PCDHA9: variants seen among roughly 807,000 people sequenced by gnomAD.
The protein encoded by PCDHA9 is protocadherin alpha 9, also known as protocadherin alpha-9.
Under a neutral mutation model 62.0 loss-of-function variants are expected in PCDHA9, and 62 were observed. The observed-to-expected ratio is 1.00, with a 90% CI of 0.81 to 1.23. The LOEUF is 1.23. Ranked by LOEUF, PCDHA9 falls within the 50% of genes most tolerant of loss-of-function variation. The pLI, the probability that PCDHA9 is intolerant of heterozygous loss-of-function variation, is 0.00. For synonymous variants in PCDHA9, 557 were observed against 567.6 expected (o/e 0.98, Z 0.27); for missense variants, 1,205 against 1,249.8 (o/e 0.96, Z 0.54).
At chr5:140,990,662 T>C (rs1554251660) in intron 3 of PCDHA9, among the ~76,000 whole-genome samples, 1 of 152,182 alleles carries the variant, frequency 6.6e-6, no homozygotes, top group African/African-American at 2.4e-5. Context: ...ATGATTTACA[T>C]TAGATGCACA....
At position 140,967,486 on chromosome 5, in the gene PCDHA9, G is replaced by A. The variant is rs782309199; in HGVS notation, c.2395-11463G>A. The A allele has an allele frequency of 2.5e-6, 4 of 1,612,986 alleles. No individual in the cohort carries two copies. The African/African-American group carries it at 4.0e-5, about 16-fold the overall frequency. ...GGGGCATCCCAGCCCGCTCGGGTAC[G>A]GCACAGATCTCTGTGCGTGTCCTGG... On this transcript the variant is annotated intron_variant, in intron 1 of 3. Coordinates refer to ENST00000532602, the MANE Select transcript of PCDHA9 (RefSeq NM_031857.2).
intron 1 of PCDHA9, chr5:140,883,919 C>T (rs1554180590): frequency 1.2e-6 from 2 of 1,613,316 alleles, no homozygotes; most frequent in Non-Finnish European, 8.5e-7. Flanking sequence ...CAACGTGACG[C>T]TGCAGGTGTT....
intron 1 of PCDHA9, among the ~76,000 whole-genome samples, chr5:140,945,540 CA>C (rs1330025999): frequency 1.3e-5 from 2 of 151,706 alleles, no homozygotes; most frequent in African/African-American, 2.4e-5. Flanking sequence ...AACATACAAA[CA>C]AAAAAATGAA....
At chr5:140,876,499 G>T in intron 1 of PCDHA9, 1 of 1,614,028 alleles carries the variant, frequency 6.2e-7, no homozygotes, top group South Asian at 1.1e-5. Flanking sequence ...AGTTCTGGAC[G>T]TGAATGACAA....
intron 1 of PCDHA9, chr5:140,926,329 A>G (rs1435633972): frequency 6.6e-6 from 1 of 152,150 alleles, no homozygotes; most frequent in Non-Finnish European, 1.5e-5. Flanking sequence ...CCGGGGTCAG[A>G]GCGCCGGGAC....
At chr5:140,886,951 C>T (rs1277166050) in intron 1 of PCDHA9, among the ~76,000 whole-genome samples, 1 of 151,696 alleles carries the variant, frequency 6.6e-6, no homozygotes, top group Non-Finnish European at 1.5e-5. Flanking sequence ...ACACATTAGA[C>T]ATTTAGCAAC....
chr5:140,868,098 A>C (rs972281563), intron 1 of PCDHA9: 1 of 152,120 alleles, frequency 6.6e-6, no homozygotes, highest in African/African-American at 2.4e-5. Context: ...AATGATAATA[A>C]AATTTATTTT....
At chr5:141,002,232 A>G (rs2098067070) in intron 3 of PCDHA9, among the ~76,000 whole-genome samples, 2 of 152,226 alleles carry the variant, frequency 1.3e-5, no homozygotes, top group African/African-American at 4.8e-5. Flanking sequence ...GTTTTCTGGA[A>G]GCTCTTTATT....
chr5:140,861,736 A>G (rs1380894393), intron 1 of PCDHA9: 2 of 188,606 alleles, frequency 1.1e-5, no homozygotes, highest in Non-Finnish European at 1.1e-5. Context: ...TGACTTACAT[A>G]CTGTGCCGCA....
At position 140,849,943 on chromosome 5, in the gene PCDHA9, ACG is replaced by A. The variant is rs2041244627; in HGVS notation, c.1452_1453del (p.Gln485GlyfsTer89). On this transcript the variant is annotated frameshift_variant, in exon 1 of 4. Transcript: ENST00000532602. LOFTEE classifies it high-confidence loss of function. ...TTCACGGTGTCTGCGCGGGACGCTG[ACG>A]CGCAGGAGAACGCCCTGGTGTCCTA... 2 of 1,597,782 alleles carry A rather than the reference ACG, an allele frequency of 1.3e-6. No individual in the cohort carries two copies. Among genetic ancestry groups the A allele is most frequent in the Admixed American group, 1.7e-5 (1 of 59,308 alleles).
At chr5:140,914,923 T>C (rs2076880546) in intron 1 of PCDHA9, among the ~76,000 whole-genome samples, 1 of 151,134 alleles carries the variant, frequency 6.6e-6, no homozygotes, top group Admixed American at 6.6e-5. Context: ...TGTCTTATTG[T>C]ACTATGTTGT....
chr5:140,884,460 C>A (rs782410675), intron 1 of PCDHA9: 72 of 1,613,614 alleles, frequency 4.5e-5, no homozygotes, highest in Non-Finnish European at 5.8e-5. Context: ...ACCGAGGGCG[C>A]GTGCGCGCCG....
In PCDHA9 at chr5:141,009,679, C is replaced by T; in HGVS notation, c.2595C>T (p.Asn865=). 1.2e-6 allele frequency: 2 copies of T among 1,614,116 alleles called. No individual in the cohort carries two copies. The highest frequency in any genetic ancestry group is 8.5e-7 in the Non-Finnish European group (1 of 1,180,026). The part of the protein sequence containing the change: ...SPPVGAGVNS[N]SWTFKYGPGN... ...CAGTCGGTGCGGGTGTCAACAGCAA[C>T]AGCTGGACCTTTAAATACGGACCAG... The change falls in exon 4 of 4, where the codon AAC becomes AAT. Residue 865 remains asparagine (N), a synonymous_variant. Coordinates refer to ENST00000532602, the MANE Select transcript of PCDHA9 (RefSeq NM_031857.2).
intron 1 of PCDHA9, among the ~76,000 whole-genome samples, chr5:140,951,551 A>T (rs246040): frequency 0.31 from 47,721 of 151,608 alleles, 7,835 homozygotes; most frequent in East Asian, 0.53. Flanking sequence ...GACGGGGGGA[A>T]GTGCTACGCA....
chr5:140,989,893 A>T (rs1436233809), intron 3 of PCDHA9, among the ~76,000 whole-genome samples: 1 of 151,928 alleles, frequency 6.6e-6, no homozygotes, highest in Non-Finnish European at 1.5e-5. Context: ...AGTCTCCGTT[A>T]TTCACAATCA....
intron 1 of PCDHA9, among the ~76,000 whole-genome samples, chr5:140,917,338 G>GGGGGGGGTGGGT (rs2078134893): frequency 7.3e-6 from 1 of 137,894 alleles, no homozygotes; most frequent in Non-Finnish European, 1.6e-5. Flanking sequence ...GGAGGGGGGG[G>GGGGGGGGTGGGT]ATGGTGTAGG....
intron 1 of PCDHA9, among the ~76,000 whole-genome samples, chr5:140,873,125 A>G (rs1252639627): frequency 6.6e-6 from 1 of 152,208 alleles, no homozygotes. Context: ...CAATATTCAA[A>G]GAGTCTATGC....
At chr5:140,853,918 C>T in intron 1 of PCDHA9, 3 of 938,954 alleles carry the variant, frequency 3.2e-6, no homozygotes, top group Non-Finnish European at 3.9e-6. Flanking sequence ...CCTGCAATCC[C>T]AACATTTTGG....
At chr5:140,880,233 T>C (rs1040125802) in intron 1 of PCDHA9, among the ~76,000 whole-genome samples, 1 of 152,046 alleles carries the variant, frequency 6.6e-6, no homozygotes, top group African/African-American at 2.4e-5. Context: ...TTTAAATTAG[T>C]GTATGTGCGT....
Sources: gnomAD v4.1 joint callset for allele counts (sites outside exome capture counted in the v4.1 genomes callset) on GRCh38, gnomAD v4.1.1 for gene constraint, MANE v1.5 for transcripts, NCBI Gene and HGNC (gene_info 2026-07-23, HGNC 2026-07-21) for gene names.